The following SEMA5A variants were observed in gnomAD, a reference collection of about 807,000 sequenced individuals.
SEMA5A encodes the protein semaphorin 5A.
In SEMA5A, 55 loss-of-function variants were observed where a neutral mutation model predicts 135.5. That is an observed-to-expected ratio of 0.41 (90% CI 0.33 to 0.51). The LOEUF is 0.51. Ranked by LOEUF, SEMA5A falls within the 20% of genes least tolerant of loss-of-function variation. SEMA5A has a pLI of 0.37. For synonymous variants in SEMA5A, 580 were observed against 546.5 expected (o/e 1.06, Z -0.85); for missense variants, 1,290 against 1,419.9 (o/e 0.91, Z 1.47).
chr5:9,237,343 C>T (rs1417501818), intron 6 of SEMA5A, among the ~76,000 whole-genome samples: 1 of 152,132 alleles, frequency 6.6e-6, no homozygotes, highest in Non-Finnish European at 1.5e-5. Context: ...CTATAAACTG[C>T]ACATTCTATA....
chr5:9,476,794 C>T (rs1759683071), intron 1 of SEMA5A, among the ~76,000 whole-genome samples: 1 of 152,012 alleles, frequency 6.6e-6, no homozygotes, highest in South Asian at 2.1e-4. Flanking sequence ...AGAACTGTAC[C>T]AGATTTGGTG....
At chr5:9,502,662 G>A (rs1735657563) in intron 1 of SEMA5A, among the ~76,000 whole-genome samples, 1 of 152,198 alleles carries the variant, frequency 6.6e-6, no homozygotes, top group Non-Finnish European at 1.5e-5. Context: ...CAGGCTCGCA[G>A]AGAAACCAGA....
intron 8 of SEMA5A, among the ~76,000 whole-genome samples, chr5:9,213,543 G>A (rs1746457809): frequency 6.6e-6 from 1 of 152,214 alleles, no homozygotes; most frequent in African/African-American, 2.4e-5. Flanking sequence ...CAGTTGGCCA[G>A]ATGGGTTGTC....
At chr5:9,115,778 C>T (rs982542311) in intron 15 of SEMA5A, among the ~76,000 whole-genome samples, 4 of 152,162 alleles carry the variant, frequency 2.6e-5, no homozygotes, top group Non-Finnish European at 5.9e-5. Flanking sequence ...CCCTAGTGAG[C>T]TCTGCCTCCT....
intron 1 of SEMA5A, among the ~76,000 whole-genome samples, chr5:9,489,542 A>G (rs1472916254): frequency 6.6e-6 from 1 of 152,184 alleles, no homozygotes; most frequent in Non-Finnish European, 1.5e-5. Flanking sequence ...TACACGGCCA[A>G]TATGTCTGAT....
intron 1 of SEMA5A, among the ~76,000 whole-genome samples, chr5:9,438,096 G>A (rs575293447): frequency 1.3e-5 from 2 of 152,282 alleles, no homozygotes; most frequent in Admixed American, 6.5e-5. Context: ...TTTAAATGCT[G>A]TTAACAGATG....
intron 5 of SEMA5A, among the ~76,000 whole-genome samples, chr5:9,284,492 C>T (rs1487241127): frequency 1.3e-5 from 2 of 152,116 alleles, no homozygotes; most frequent in Non-Finnish European, 2.9e-5. Flanking sequence ...AACAATGAGC[C>T]AGCATATAAG....
Position 9,395,458 on chromosome 5 carries a change from C to A in SEMA5A, c.-77-15435G>T, listed in dbSNP as rs78706597. ...ATGATAGCCATTCCTAAAACTGGAA[C>A]CTGCTACCTCTTACTTGCTAGACTC... On this transcript the variant is annotated intron_variant, in intron 2 of 22. Transcript: ENST00000382496. Among the ~76,000 whole-genome samples, 18 of 152,254 alleles carry A rather than the reference C, an allele frequency of 1.2e-4. No individual in the cohort carries two copies. In the East Asian group the frequency reaches 1.9e-3, roughly 16 times the overall value.
At chr5:9,296,813 G>A (rs1361370901) in intron 5 of SEMA5A, among the ~76,000 whole-genome samples, 2 of 150,408 alleles carry the variant, frequency 1.3e-5, no homozygotes, top group Admixed American at 6.6e-5. Flanking sequence ...ATTTGTACAG[G>A]CAGTAGTAAC....
chr5:9,352,866 T>C (rs1754190187), intron 3 of SEMA5A, among the ~76,000 whole-genome samples: 1 of 152,038 alleles, frequency 6.6e-6, no homozygotes, highest in Non-Finnish European at 1.5e-5. Context: ...CAGAGTTGAG[T>C]TCAGACTATT....
intron 5 of SEMA5A, among the ~76,000 whole-genome samples, chr5:9,272,246 C>T: frequency 6.6e-6 from 1 of 152,110 alleles, no homozygotes; most frequent in East Asian, 1.9e-4. Context: ...GTAAACAAAG[C>T]CACTGGGAAG....
chr5:9,471,014 C>G (rs1759457541), intron 1 of SEMA5A, among the ~76,000 whole-genome samples: 1 of 152,066 alleles, frequency 6.6e-6, no homozygotes, highest in Admixed American at 6.6e-5. Flanking sequence ...AGGGCTTTCT[C>G]AAGTAGAGTA....
intron 3 of SEMA5A, among the ~76,000 whole-genome samples, chr5:9,374,803 C>T (rs1341990715): frequency 6.6e-6 from 1 of 152,144 alleles, no homozygotes; most frequent in African/African-American, 2.4e-5. Context: ...CACCCACCCC[C>T]ACCCACAAGC....
In SEMA5A at chr5:9,507,251, T is replaced by G. The variant is rs2055961; in HGVS notation, c.-175+38333A>C. Among the ~76,000 whole-genome samples the G allele has an allele frequency of 8.1e-3, 1,232 of 152,296 alleles. 7 individuals are homozygous for G. Among genetic ancestry groups the G allele is most frequent in the Non-Finnish European group, 0.013 (884 of 68,024 alleles). ...TGTATCTCCATTATCTTCAAGTCAC[T>G]TTCAGGTTAAAACCATCCCAGAGTA... On this transcript the variant is annotated intron_variant, in intron 1 of 22. Coordinates refer to ENST00000382496, the MANE Select transcript of SEMA5A (RefSeq NM_003966.3).
At chr5:9,467,582 G>GA (rs1759310166) in intron 1 of SEMA5A, among the ~76,000 whole-genome samples, 1 of 152,174 alleles carries the variant, frequency 6.6e-6, no homozygotes, top group African/African-American at 2.4e-5. Flanking sequence ...GGTATACCTG[G>GA]AAAAAGCTCT....
rs980963131 is a variant in SEMA5A, at chr5:9,461,527, C to A, written c.-174-23675G>T. Among the ~76,000 whole-genome samples, 9 of 152,122 alleles carry A rather than the reference C, an allele frequency of 5.9e-5. 1 individual carries two copies. Among genetic ancestry groups the A allele is most frequent in the African/African-American group, 2.2e-4 (9 of 41,424 alleles). Reference sequence around the variant, plus strand: ...ACTGGTTGACCTGACAATAGAATGGCATAGAGAATGATATTTTTCCAAGTA... The same window carrying A: ...ACTGGTTGACCTGACAATAGAATGGAATAGAGAATGATATTTTTCCAAGTA... On this transcript the variant is annotated intron_variant, in intron 1 of 22. Transcript: ENST00000382496.
chr5:9,324,034 T>C (rs897049908), intron 4 of SEMA5A, among the ~76,000 whole-genome samples: 1 of 151,954 alleles, frequency 6.6e-6, no homozygotes, highest in African/African-American at 2.4e-5. Flanking sequence ...AGTATTCACC[T>C]TATTACAATT....
chr5:9,457,172 G>T (rs570558678), intron 1 of SEMA5A, among the ~76,000 whole-genome samples: 182 of 152,274 alleles, frequency 1.2e-3, no homozygotes, highest in Non-Finnish European at 2.1e-3. Context: ...GCAAACTATG[G>T]CCTAGAACTT....
At position 9,109,028 on chromosome 5, in the gene SEMA5A, A is replaced by ATTTTTTTTTTTTTTTTT. The variant is rs67762219; in HGVS notation, c.1926-758_1926-742dup. ...TCATGAGTCATATTATTTCTCTTCA[A>ATTTTTTTTTTTTTTTTT]TTTTTTTTTTTTTTTTTTTTTTTTT... On this transcript the variant is annotated intron_variant, in intron 15 of 22. Coordinates refer to ENST00000382496, the MANE Select transcript of SEMA5A (RefSeq NM_003966.3). Among the ~76,000 whole-genome samples, 14 of 92,446 alleles carry ATTTTTTTTTTTTTTTTT rather than the reference A, an allele frequency of 1.5e-4. 1 individual carries two copies. Among genetic ancestry groups the ATTTTTTTTTTTTTTTTT allele is most frequent in the Non-Finnish European group, 2.0e-4 (10 of 50,184 alleles). 60.6% of individuals were successfully genotyped at this position (92,446 alleles called of 152,430 possible).
Sources: gnomAD v4.1 joint callset for allele counts (sites outside exome capture counted in the v4.1 genomes callset) on GRCh38, gnomAD v4.1.1 for gene constraint, MANE v1.5 for transcripts, NCBI Gene and HGNC (gene_info 2026-07-23, HGNC 2026-07-21) for gene names.